Variants in CSMD2 observed in about 807,000 individuals in gnomAD.
CSMD2 encodes CUB and sushi domain-containing protein 2.
In CSMD2, 130 loss-of-function variants were observed where a neutral mutation model predicts 398.5. The ratio of observed to expected loss-of-function variants is 0.33; its 90% confidence interval spans 0.28 to 0.38. The LOEUF (loss-of-function observed/expected upper bound fraction) is 0.38, where lower values mean the gene tolerates loss of function less well. Ranked by LOEUF, CSMD2 falls within the 10% of genes least tolerant of loss-of-function variation. CSMD2 has a pLI of 1.00. For synonymous variants in CSMD2, 1,828 were observed against 1,908.5 expected (o/e 0.96, Z 1.10); for missense variants, 3,829 against 4,764.9 (o/e 0.80, Z 5.78).
Position 33,542,912 on chromosome 1 carries a change from T to C in CSMD2, c.9101-16A>G, listed in dbSNP as rs1656496283. On this transcript the variant is annotated splice_polypyrimidine_tract_variant and intron_variant, in intron 57 of 70. Coordinates refer to ENST00000373381, the MANE Select transcript of CSMD2 (RefSeq NM_001281956.2). Reference sequence around the variant, plus strand: ...CAAGAGATCACTAGGAAGACAAAAATACACATTATTCACCAGAACAATGGT... The same window carrying C: ...CAAGAGATCACTAGGAAGACAAAAACACACATTATTCACCAGAACAATGGT... The C allele has an allele frequency of 6.2e-7, 1 of 1,611,636 alleles. No individual in the cohort carries two copies. The highest frequency in any genetic ancestry group is 8.5e-7 in the Non-Finnish European group (1 of 1,178,504).
At chr1:33,874,066 T>G (rs1640659549) in intron 5 of CSMD2, among the ~76,000 whole-genome samples, 1 of 152,214 alleles carries the variant, frequency 6.6e-6, no homozygotes, top group Admixed American at 6.5e-5. Flanking sequence ...TTATGTAAGT[T>G]CATACAATGC....
chr1:33,960,304 T>C (rs913454162), intron 3 of CSMD2, among the ~76,000 whole-genome samples: 4 of 152,210 alleles, frequency 2.6e-5, no homozygotes, highest in African/African-American at 9.6e-5. Flanking sequence ...GTCAGAGGTT[T>C]GAGCAATCTC....
chr1:33,889,456 T>C (rs1302614188), intron 5 of CSMD2, among the ~76,000 whole-genome samples: 1 of 152,220 alleles, frequency 6.6e-6, no homozygotes, highest in Non-Finnish European at 1.5e-5. Context: ...ATTGGCACAG[T>C]CTTTCTGGAG....
intron 21 of CSMD2, chr1:33,709,639 G>A (rs960163663): frequency 9.1e-6 from 3 of 328,204 alleles, no homozygotes; most frequent in Non-Finnish European, 1.7e-5. Flanking sequence ...GGGAAGAGGG[G>A]GGCAGTTAAG....
intron 19 of CSMD2, among the ~76,000 whole-genome samples, chr1:33,722,072 C>A (rs972782729): frequency 6.6e-6 from 1 of 152,096 alleles, no homozygotes; most frequent in South Asian, 2.1e-4. Flanking sequence ...TATTCTATGG[C>A]CATACCCTAT....
rs762798621 is a variant in CSMD2 at position 33,514,279 on chromosome 1, CCTTT to C, written c.*2341_*2344del. ...TACAATAATGAAAAAAAAATTTACA[CCTTT>C]TTTTTTTTCTTTTTTGGTACTGTAC... On this transcript the variant is annotated 3_prime_UTR_variant, in exon 71 of 71. Coordinates refer to ENST00000373381, the MANE Select transcript of CSMD2 (RefSeq NM_001281956.2). The C allele has an allele frequency of 1.5e-4, 15 of 100,806 alleles. No homozygotes were observed. The highest frequency in any genetic ancestry group is 3.1e-4 in the Non-Finnish European group (14 of 45,428). 6.2% of individuals were successfully genotyped at this position (100,806 alleles called of 1,614,324 possible).
chr1:33,917,064 C>T (rs1643760310), intron 5 of CSMD2, among the ~76,000 whole-genome samples: 1 of 152,192 alleles, frequency 6.6e-6, no homozygotes, highest in Admixed American at 6.5e-5. Context: ...CCTCCCACCC[C>T]TATGCCCTCC....
chr1:33,747,306 C>T lies in CSMD2; in HGVS notation c.1847-3700G>A, dbSNP rs567425109. On this transcript the variant is annotated intron_variant, in intron 13 of 70. Transcript: ENST00000373381. Reference sequence around the variant, plus strand: ...ATTCCTTGGAACAGAAAATATAAGACGTTATTCCTGCCCAAACTCTAGGGT... The same window carrying T: ...ATTCCTTGGAACAGAAAATATAAGATGTTATTCCTGCCCAAACTCTAGGGT... Among the ~76,000 whole-genome samples, 14 of 152,228 alleles carry T rather than the reference C, an allele frequency of 9.2e-5. No individual in the cohort carries two copies. The South Asian group carries it at 2.1e-3, about 23-fold the overall frequency.
intron 3 of CSMD2, among the ~76,000 whole-genome samples, chr1:33,993,514 C>T (rs570019762): frequency 6.6e-6 from 1 of 152,154 alleles, no homozygotes; most frequent in East Asian, 1.9e-4. Context: ...GTCTCCTGGG[C>T]CCTTCTCTAT....
intron 5 of CSMD2, among the ~76,000 whole-genome samples, chr1:33,868,242 A>G (rs1008701269): frequency 6.6e-6 from 1 of 152,124 alleles, no homozygotes; most frequent in Non-Finnish European, 1.5e-5. Context: ...CACCATCTTG[A>G]TGACTGAATC....
rs544624585 is a variant in CSMD2, at chr1:33,679,553, A to AC, written c.4052+13376dup. Among the ~76,000 whole-genome samples the AC allele has an allele frequency of 2.5e-4, 38 of 152,096 alleles. 2 individuals carry two copies. In the South Asian group the frequency reaches 7.7e-3, roughly 31 times the overall value. On this transcript the variant is annotated intron_variant, in intron 25 of 70. Coordinates refer to ENST00000373381, the MANE Select transcript of CSMD2 (RefSeq NM_001281956.2). Reference sequence around the variant, plus strand: ...TGGTGACCTTGCAGAGCCTCAATTTACCCCCGTGTAAAATGGCTGTAATTT... The same window carrying AC: ...TGGTGACCTTGCAGAGCCTCAATTTACCCCCCGTGTAAAATGGCTGTAATTT...
chr1:33,654,665 C>T (rs935290109), intron 27 of CSMD2, among the ~76,000 whole-genome samples: 5 of 152,198 alleles, frequency 3.3e-5, no homozygotes, highest in Admixed American at 6.5e-5. Flanking sequence ...GTCCATGGAG[C>T]GTGGCCTTGC....
rs1007701004 is a variant in CSMD2 at position 33,738,752 on chromosome 1, T to C, written c.2368+388A>G. ...AATAAACATGTGGAGAAGGAAAGAGTGACAGGCAGCTTGAAAGACCCGAAA... is the reference window on the plus strand; with the variant it reads ...AATAAACATGTGGAGAAGGAAAGAGCGACAGGCAGCTTGAAAGACCCGAAA... On this transcript the variant is annotated intron_variant, in intron 15 of 70. Coordinates refer to ENST00000373381, the MANE Select transcript of CSMD2 (RefSeq NM_001281956.2). Among the ~76,000 whole-genome samples the C allele has an allele frequency of 2.0e-5, 3 of 151,768 alleles. No individual in the cohort carries two copies. The South Asian group carries it at 6.3e-4, about 32-fold the overall frequency.
rs1654002756 is a variant in CSMD2, at chr1:33,518,954, G to A, written c.*53+511C>T. On this transcript the variant is annotated intron_variant, in intron 70 of 70. Transcript: ENST00000373381. This position sits in a 1 kb window ranked among gnomAD's most constrained non-coding sequence, Gnocchi z 4.3. ...TGTATTGCGTTTATAGTGTATGAAT[G>A]TATATATATACACAATATACCTATA... Among the ~76,000 whole-genome samples the A allele has an allele frequency of 1.3e-5, 2 of 152,190 alleles. No homozygotes were observed. Among genetic ancestry groups the A allele is most frequent in the East Asian group, 1.9e-4 (1 of 5,190 alleles).
At chr1:33,783,756 C>G (rs994064659) in intron 12 of CSMD2, among the ~76,000 whole-genome samples, 3 of 152,146 alleles carry the variant, frequency 2.0e-5, no homozygotes, top group Non-Finnish European at 4.4e-5. Context: ...ATGGGGTGCT[C>G]TGTGCCCCCC....
At chr1:33,985,901 C>T (rs536629158) in intron 3 of CSMD2, among the ~76,000 whole-genome samples, 2 of 152,304 alleles carry the variant, frequency 1.3e-5, no homozygotes, top group East Asian at 3.9e-4. Flanking sequence ...TGCCAGGGCA[C>T]AGCGACTCAT....
intron 12 of CSMD2, among the ~76,000 whole-genome samples, chr1:33,779,824 T>G (rs1440414510): frequency 2.0e-5 from 3 of 152,354 alleles, no homozygotes; most frequent in African/African-American, 7.2e-5. Flanking sequence ...ACCGAGCCAA[T>G]GTTTTTTGAA....
At chr1:33,542,549 G>A (rs1656453142) in intron 58 of CSMD2, among the ~76,000 whole-genome samples, 171 bp downstream of exon 58, 1 of 152,254 alleles carries the variant, frequency 6.6e-6, no homozygotes, top group African/African-American at 2.4e-5. Context: ...ACTTCGCTCA[G>A]TGGCTGCCAC....
chr1:34,128,722 C>T (rs1055771074), intron 1 of CSMD2, among the ~76,000 whole-genome samples: 14 of 152,104 alleles, frequency 9.2e-5, no homozygotes, highest in African/African-American at 2.9e-4. Flanking sequence ...GTGAGTAGAC[C>T]GGCTTTTGTT....
Sources: allele counts gnomAD v4.1 joint callset (sites outside exome capture counted in the v4.1 genomes callset), GRCh38; gene constraint gnomAD v4.1.1; non-coding constraint Gnocchi (gnomAD v3.1); transcripts MANE v1.5; gene names NCBI Gene and HGNC (gene_info 2026-07-23, HGNC 2026-07-21).